The following CHRD variants were observed in gnomAD, a reference collection of about 807,000 sequenced individuals.
CHRD encodes chordin.
A neutral mutation model predicts 113.7 loss-of-function variants in CHRD; 69 were observed. That is an observed-to-expected ratio of 0.61 (90% CI 0.50 to 0.74). The LOEUF (loss-of-function observed/expected upper bound fraction) is 0.74, where lower values mean the gene tolerates loss of function less well. Ranked by LOEUF, CHRD falls within the 30% of genes least tolerant of loss-of-function variation. The pLI is 0.00. For synonymous variants in CHRD, 561 were observed against 540.8 expected, an observed-to-expected ratio of 1.04 and a Z score of -0.52; for missense variants, 1,194 against 1,295.8, an observed-to-expected ratio of 0.92 and a Z score of 1.21.
In CHRD at chr3:184,389,363, C is replaced by T; in HGVS notation, c.2813-4C>T. 6.2e-7 allele frequency: 1 copy of T among 1,613,444 alleles called. No homozygotes were observed. Among genetic ancestry groups the T allele is most frequent in the African/African-American group, 1.3e-5 (1 of 75,036 alleles). On this transcript the variant is annotated splice_region_variant and splice_polypyrimidine_tract_variant and intron_variant, in intron 22 of 22. Coordinates refer to ENST00000204604, the Ensembl canonical transcript of CHRD. ...CTCCAACATTCCCTCCCTTCTGTCT[C>T]CAGCAGCCCCAGAGACCAGAACTGA...
chr3:184,386,810 G>A, intron 16 of CHRD, 35 bp from the exon 17 acceptor site: 1 of 1,613,934 alleles, frequency 6.2e-7, no homozygotes, highest in Admixed American at 1.7e-5. Context: ...AAGGGGCCTG[G>A]ACACTCCCGT....
At position 184,388,695 on chromosome 3, in the gene CHRD, C is replaced by T; in HGVS notation, c.2663C>T (p.Ser888Leu). 1 of 1,614,040 alleles carries T rather than the reference C, an allele frequency of 6.2e-7. No homozygotes were observed. Among genetic ancestry groups the T allele is most frequent in the Non-Finnish European group, 8.5e-7 (1 of 1,180,024 alleles). ...CCAGAGAGTCAGAGCTGGCACCCCTCAGTGCCCCCTTTTGGAGAGATGAGC... is the reference window on the plus strand; with the variant it reads ...CCAGAGAGTCAGAGCTGGCACCCCTTAGTGCCCCCTTTTGGAGAGATGAGC... The change falls in exon 21 of 23, where the codon TCA becomes TTA. Residue 888 changes from serine (S) to leucine (L), a missense_variant. Transcript: ENST00000204604. This position sits in a 1 kb window ranked among gnomAD's most constrained non-coding sequence, Gnocchi z 6.1.
Position 184,388,920 on chromosome 3 carries a change from G to T in CHRD, c.2737G>T (p.Asp913Tyr). Residue 913 changes from aspartate to tyrosine, a missense_variant, in exon 22 of 23, where the codon GAC (aspartate) becomes TAC (tyrosine). Asp to Tyr is a radical substitution (Grantham distance 160). Coordinates refer to ENST00000204604, the Ensembl canonical transcript of CHRD. The surrounding 1 kb of genome is among the most constrained non-coding windows in gnomAD (Gnocchi z 6.1). ...AGGGGTGCCTCACTGTGAGCGGGAT[G>T]ACTGTTCACTGCCACTGTCCTGTGG... 6.2e-7 allele frequency: 1 copy of T among 1,613,358 alleles called. No homozygotes were observed. The highest frequency in any genetic ancestry group is 1.1e-5 in the South Asian group (1 of 91,068).
Position 184,387,596 on chromosome 3 carries a change from T to G in CHRD, c.2451+119T>G. The G allele has an allele frequency of 1.1e-6, 1 of 939,712 alleles. No homozygotes were observed. The highest frequency in any genetic ancestry group is 1.6e-6 in the Non-Finnish European group (1 of 642,822). The allele number at this position is 939,712 out of a possible 1,614,324, so 58.2% of individuals were successfully genotyped here. ...GGAGGGCTCAAGAATCAAAACGATATGAGAAAAGGCCCTTGCGCTCTGAGA... is the reference window on the plus strand; with the variant it reads ...GGAGGGCTCAAGAATCAAAACGATAGGAGAAAAGGCCCTTGCGCTCTGAGA... On this transcript the variant is annotated intron_variant, in intron 19 of 22. Transcript: ENST00000204604. This position sits in a 1 kb window ranked among gnomAD's most constrained non-coding sequence, Gnocchi z 6.1.
intron 6 of CHRD, 79 bp downstream of exon 6, chr3:184,382,099 C>A: frequency 6.4e-7 from 1 of 1,566,768 alleles, no homozygotes; most frequent in Non-Finnish European, 8.7e-7. Context: ...CTCCCGTGGT[C>A]CTCACCACAG....
At chr3:184,383,400 T>C (rs1260944910) in exon 11 of CHRD, 2 of 1,613,748 alleles carry the variant, frequency 1.2e-6, no homozygotes, top group Non-Finnish European at 1.7e-6. Flanking sequence ...TGCTAGGAAA[T>C]GGCTCCCTGA....
chr3:184,381,232 C>T lies in CHRD; in HGVS notation c.253-3C>T. Reference sequence around the variant, plus strand: ...TTGGGTTTCCCGCCTTTTCCGGGAGCAGCCTCAGTGGGGTCGCCGTACCAG... The same window carrying T: ...TTGGGTTTCCCGCCTTTTCCGGGAGTAGCCTCAGTGGGGTCGCCGTACCAG... On this transcript the variant is annotated splice_region_variant and splice_polypyrimidine_tract_variant and intron_variant, in intron 2 of 22. Transcript: ENST00000204604. The surrounding 1 kb of genome is among the most constrained non-coding windows in gnomAD (Gnocchi z 4.7). 2 of 1,613,240 alleles carry T rather than the reference C, an allele frequency of 1.2e-6. No homozygotes were observed. The highest frequency in any genetic ancestry group is 2.2e-5 in the East Asian group (1 of 44,866).
chr3:184,383,290 C>T (rs776721621), intron 10 of CHRD, 22 bp from the exon 11 acceptor site: 2 of 1,607,636 alleles, frequency 1.2e-6, no homozygotes, highest in Non-Finnish European at 1.7e-6. Context: ...AACCTAGCCT[C>T]ACCTGTCTTG....
intron 17 of CHRD, 32 bp downstream of exon 17, chr3:184,386,970 G>T (rs762224845): frequency 2.5e-6 from 4 of 1,614,184 alleles, no homozygotes; most frequent in Admixed American, 3.3e-5. Flanking sequence ...GGAGGGAGGA[G>T]TTGGCCCAGT....
intron 15 of CHRD, 67 bp from the exon 16 acceptor site, chr3:184,386,425 G>T: frequency 4.0e-6 from 6 of 1,518,346 alleles, no homozygotes; most frequent in Non-Finnish European, 5.3e-6. Flanking sequence ...CTGCTGGCTG[G>T]CCAGCTGCCG....
chr3:184,387,013 G>T lies in CHRD; in HGVS notation c.2291-38G>T, dbSNP rs755845664. 1.2e-6 allele frequency: 2 copies of T among 1,613,748 alleles called. No homozygotes were observed. The highest frequency in any genetic ancestry group is 2.2e-5 in the South Asian group (2 of 91,062). The stretch of plus-strand genomic sequence containing the variant: ...GGTCCTTTGGGGAGGGAATGAGGGT[G>T]GTCACTCTCTGCTTTCACCATTTCT... On this transcript the variant is annotated intron_variant, in intron 17 of 22. Transcript: ENST00000204604. The surrounding 1 kb of genome is among the most constrained non-coding windows in gnomAD (Gnocchi z 6.1).
chr3:184,387,232 C>A lies in CHRD; in HGVS notation c.2347+125C>A. 7.9e-7 allele frequency: 1 copy of A among 1,262,092 alleles called. No homozygotes were observed. Among genetic ancestry groups the A allele is most frequent in the Non-Finnish European group, 1.1e-6 (1 of 882,532 alleles). 78.2% of individuals were successfully genotyped at this position (1,262,092 alleles called of 1,614,324 possible). ...GAGGGGCACAGATTCCAAGTGATGC[C>A]TGACAGGACTCATTAGTGTTACTGG... On this transcript the variant is annotated intron_variant, in intron 18 of 22. Coordinates refer to ENST00000204604, the Ensembl canonical transcript of CHRD. The surrounding 1 kb of genome is among the most constrained non-coding windows in gnomAD (Gnocchi z 6.1).
In CHRD at chr3:184,386,944, T is replaced by C. The variant is rs1229873063; in HGVS notation, c.2290+6T>C. Reference sequence around the variant, plus strand: ...GTGCTGCCCTGTTTGCCCTGGTGAGTTCCCCGCAGGGGAGTGGAGGGAGGA... The same window carrying C: ...GTGCTGCCCTGTTTGCCCTGGTGAGCTCCCCGCAGGGGAGTGGAGGGAGGA... On this transcript the variant is annotated splice_donor_region_variant and intron_variant, in intron 17 of 22. Coordinates refer to ENST00000204604, the Ensembl canonical transcript of CHRD. 6.2e-7 allele frequency: 1 copy of C among 1,614,092 alleles called. No individual in the cohort carries two copies. The highest frequency in any genetic ancestry group is 8.5e-7 in the Non-Finnish European group (1 of 1,179,982).
rs1418207623 is a variant in CHRD at position 184,384,588 on chromosome 3, C to G, written c.1492C>G (p.Gln498Glu). The stretch of plus-strand genomic sequence containing the variant: ...TGCCCGAGGGGCTCATATGCTGCTG[C>G]AGAATGAGCTCTTCCTGAACGTGGG... Residue 498 changes from glutamine (Q) to glutamate (E), a missense_variant, in exon 13 of 23, where the codon CAG (glutamine) becomes GAG (glutamate). By Grantham distance (29) the Gln-to-Glu change is conservative. Coordinates refer to ENST00000204604, the Ensembl canonical transcript of CHRD. The surrounding 1 kb of genome is among the most constrained non-coding windows in gnomAD (Gnocchi z 4.4). 1.2e-6 allele frequency: 2 copies of G among 1,607,164 alleles called. No homozygotes were observed. Among genetic ancestry groups the G allele is most frequent in the East Asian group, 4.5e-5 (2 of 44,660 alleles).
At chr3:184,389,499 A>C in exon 23 of CHRD, 5 of 1,356,396 alleles carry the variant, frequency 3.7e-6, no homozygotes, top group Admixed American at 1.9e-5. Flanking sequence ...ACCTTCTTGC[A>C]TTCTCCTGTG....
chr3:184,384,798 G>T lies in CHRD; in HGVS notation c.1597+105G>T. On this transcript the variant is annotated intron_variant, in intron 13 of 22. Transcript: ENST00000204604. This position sits in a 1 kb window ranked among gnomAD's most constrained non-coding sequence, Gnocchi z 4.4. The stretch of plus-strand genomic sequence containing the variant: ...GTGTCTTTCTTTGTGCCTAAGCTCC[G>T]GTTGCCATCTGAAGGTGGGGACATA... 7.0e-7 allele frequency: 1 copy of T among 1,419,926 alleles called. No homozygotes were observed. The allele number at this position is 1,419,926 out of a possible 1,614,324, so 88.0% of individuals were successfully genotyped here.
chr3:184,384,615 A>G lies in CHRD; in HGVS notation c.1519A>G (p.Thr507Ala). 1 of 1,609,882 alleles carries G rather than the reference A, an allele frequency of 6.2e-7. No individual in the cohort carries two copies. The highest frequency in any genetic ancestry group is 1.3e-5 in the African/African-American group (1 of 74,982). Reference sequence around the variant, plus strand: ...GAATGAGCTCTTCCTGAACGTGGGCACCAAGGACTTCCCAGACGGAGAGCT... The same window carrying G: ...GAATGAGCTCTTCCTGAACGTGGGCGCCAAGGACTTCCCAGACGGAGAGCT... The change falls in exon 13 of 23, where the codon ACC becomes GCC. Residue 507 changes from threonine to alanine, a missense_variant. Transcript: ENST00000204604. The surrounding 1 kb of genome is among the most constrained non-coding windows in gnomAD (Gnocchi z 4.4).
rs1217576814 is a variant in CHRD at position 184,382,226 on chromosome 3, G to A, written c.700-163G>A. On this transcript the variant is annotated intron_variant, in intron 6 of 22. Transcript: ENST00000204604. ...CACAGCTAGTAAGTGGTGCAGCCAGGATTGGAACCCAAGCATCTGGCTCCA... is the reference window on the plus strand; with the variant it reads ...CACAGCTAGTAAGTGGTGCAGCCAGAATTGGAACCCAAGCATCTGGCTCCA... 3.9e-6 allele frequency: 5 copies of A among 1,273,370 alleles called. No homozygotes were observed. The African/African-American group carries it at 5.9e-5, about 15-fold the overall frequency. The allele number at this position is 1,273,370 out of a possible 1,614,324, so 78.9% of individuals were successfully genotyped here. A position where few individuals can be genotyped will look rare whatever the true frequency, so the allele number is the denominator to read the frequency against.
In CHRD at chr3:184,387,043, C is replaced by T; in HGVS notation, c.2291-8C>T. On this transcript the variant is annotated splice_region_variant and splice_polypyrimidine_tract_variant and intron_variant, in intron 17 of 22. Transcript: ENST00000204604. This position sits in a 1 kb window ranked among gnomAD's most constrained non-coding sequence, Gnocchi z 6.1. ...CTCTCTGCTTTCACCATTTCTTTGGCTCCACAGAGAAACAAGATGTCAGAG... is the reference window on the plus strand; with the variant it reads ...CTCTCTGCTTTCACCATTTCTTTGGTTCCACAGAGAAACAAGATGTCAGAG... 1.2e-6 allele frequency: 2 copies of T among 1,614,106 alleles called. No homozygotes were observed. The highest frequency in any genetic ancestry group is 4.5e-5 in the East Asian group (2 of 44,874).
Sources: gnomAD v4.1 joint callset for allele counts on GRCh38, gnomAD v4.1.1 for gene constraint, Gnocchi (gnomAD v3.1) non-coding constraint, MANE v1.5 for transcripts, NCBI Gene and HGNC (gene_info 2026-07-23, HGNC 2026-07-21) for gene names.